The following TSEN54 variants were observed in gnomAD, a reference collection of about 807,000 sequenced individuals.
The protein encoded by TSEN54 is tRNA-splicing endonuclease subunit Sen54.
Under a neutral mutation model 61.9 loss-of-function variants are expected in TSEN54, and 55 were observed. That is an observed-to-expected ratio of 0.89 (90% confidence interval 0.72 to 1.11). The LOEUF is 1.11. Among genes scored for constraint, TSEN54 ranks in the 50% most tolerant of loss-of-function variants. The pLI is 0.00. For synonymous variants in TSEN54, 304 were observed against 288.7 expected, an observed-to-expected ratio of 1.05 and a Z score of -0.54; for missense variants, 760 against 687.7, an observed-to-expected ratio of 1.11 and a Z score of -1.18.
At chr17:75,523,421 A>C (rs2053452599) in intron 9 of TSEN54, 86 bp downstream of exon 9, 1 of 1,610,566 alleles carries the variant, frequency 6.2e-7, no homozygotes. Flanking sequence ...TAGGGTGTAA[A>C]CTAGAGGACT....
Position 75,522,285 on chromosome 17 carries a change from G to T in TSEN54, c.1204G>T (p.Gly402Cys). 6.5e-7 allele frequency: 1 copy of T among 1,546,478 alleles called. No individual in the cohort carries two copies. Among genetic ancestry groups the T allele is most frequent in the Non-Finnish European group, 8.7e-7 (1 of 1,146,734 alleles). The change falls in exon 8 of 11, where the codon GGC (glycine) becomes TGC (cysteine). Residue 402 changes from glycine (G) to cysteine (C), a missense_variant. By Grantham distance (159) the Gly-to-Cys change is radical. Around this residue, in one of 3 missense-constraint regions of TSEN54, gnomAD observed 667 missense variants for 577.8 expected, o/e 1.15. Coordinates refer to ENST00000333213, the MANE Select transcript of TSEN54 (RefSeq NM_207346.3). Reference sequence around the variant, plus strand: ...CCAGCGCCGGGCCCCTCACCTGTGGGGCCAGCCCGTCACCCCGCTGCTGAG... The same window carrying T: ...CCAGCGCCGGGCCCCTCACCTGTGGTGCCAGCCCGTCACCCCGCTGCTGAG... Reference protein sequence around the residue: ...RSQRRAPHLWGQPVTPLLSPG... With the variant: ...RSQRRAPHLWCQPVTPLLSPG...
intron 5 of TSEN54, among the ~76,000 whole-genome samples, chr17:75,518,238 G>A (rs1473563427): frequency 6.6e-6 from 1 of 152,200 alleles, no homozygotes; most frequent in Non-Finnish European, 1.5e-5. Flanking sequence ...TCTGGAGTGT[G>A]AGGAGAGGTC....
Position 75,517,689 on chromosome 17 carries a change from C to CATTG in TSEN54, c.468+36_468+37insTGAT, listed in dbSNP as rs751598295. Reference sequence around the variant, plus strand: ...CACCACCCCGCCTCCGGGAGCCACCCATCCACTGAATCAATGAGTATTGAC... The same window carrying CATTG: ...CACCACCCCGCCTCCGGGAGCCACCCATTGATCCACTGAATCAATGAGTATTGAC... On this transcript the variant is annotated intron_variant, in intron 5 of 10. Transcript: ENST00000333213. 100 of 1,553,730 alleles carry CATTG rather than the reference C, an allele frequency of 6.4e-5. No individual in the cohort carries two copies. The African/African-American group carries it at 1.1e-3, about 17-fold the overall frequency.
intron 3 of TSEN54, 29 bp downstream of exon 3, chr17:75,517,101 C>CGCCCTCCCTGCCCTCCCT (rs58038334): frequency 2.6e-6 from 4 of 1,548,714 alleles, no homozygotes; most frequent in Admixed American, 3.7e-5. Context: ...GACCGGGGAC[C>CGCCCTCCCTGCCCTCCCT]GCCCTCCCTG....
rs148146916 is a variant in TSEN54 at position 75,517,200 on chromosome 17, C to T, written c.325C>T (p.Arg109Trp). ...WQTMGFSEQG[R>W]QRLHPEEALY... Reference sequence around the variant, plus strand: ...GACCATGGGCTTCTCAGAGCAGGGCCGGCAGCGCCTTCACCCGGAAGAGGC... The same window carrying T: ...GACCATGGGCTTCTCAGAGCAGGGCTGGCAGCGCCTTCACCCGGAAGAGGC... Residue 109 changes from arginine (R) to tryptophan (W), a missense_variant, in exon 4 of 11, where the codon CGG becomes TGG. By Grantham distance (101) the Arg-to-Trp change is moderately radical. This residue lies in a region of TSEN54 where 667 missense variants were observed against 577.8 expected (regional missense o/e 1.15). Transcript: ENST00000333213. 6.2e-7 allele frequency: 1 copy of T among 1,607,742 alleles called. No homozygotes were observed. The highest frequency in any genetic ancestry group is 8.5e-7 in the Non-Finnish European group (1 of 1,177,316).
intron 1 of TSEN54, 60 bp downstream of exon 1, chr17:75,516,676 A>T: frequency 7.7e-7 from 1 of 1,292,598 alleles, no homozygotes; most frequent in African/African-American, 1.6e-5. Flanking sequence ...GGGTAGGGAA[A>T]CCGGCGCCCG....
chr17:75,523,178 A>T, intron 8 of TSEN54, 97 bp from the exon 9 acceptor site: 2 of 1,193,146 alleles, frequency 1.7e-6, no homozygotes, highest in Non-Finnish European at 1.2e-6. Context: ...GACTCCGTTT[A>T]AAAAAAAAAG....
intron 7 of TSEN54, 87 bp from the exon 8 acceptor site, chr17:75,521,618 A>C: frequency 6.4e-7 from 1 of 1,570,204 alleles, no homozygotes. Flanking sequence ...TCAGGGAGAC[A>C]CTAGGGGACC....
At position 75,519,086 on chromosome 17, in the gene TSEN54, C is replaced by T. The variant is rs57636645; in HGVS notation, c.521+39C>T. The T allele has an allele frequency of 0.012, 18,768 of 1,610,374 alleles. 1,734 individuals carry two copies. The African/African-American group carries it at 0.21, about 18-fold the overall frequency. ...CTGTTCCCCTTCCATATATTCTAGT[C>T]CTGGGACCTGGCTGACTAGTCTAAG... On this transcript the variant is annotated intron_variant, in intron 6 of 10. Coordinates refer to ENST00000333213, the MANE Select transcript of TSEN54 (RefSeq NM_207346.3).
At position 75,521,945 on chromosome 17, in the gene TSEN54, C is replaced by A. The variant is rs1210674501; in HGVS notation, c.864C>A (p.Val288=). 6.2e-7 allele frequency: 1 copy of A among 1,610,532 alleles called. No individual in the cohort carries two copies. The highest frequency in any genetic ancestry group is 1.1e-5 in the South Asian group (1 of 90,842). The part of the protein sequence containing the change: ...SWESGRAENG[V]TGAGKRRWNF... ...AGAGTGGCAGAGCCGAGAACGGAGT[C>A]ACGGGAGCCGGTAAGCGGCGCTGGA... The change falls in exon 8 of 11, where the codon GTC becomes GTA. Residue 288 remains valine, a synonymous_variant. Transcript: ENST00000333213.
intron 8 of TSEN54, 27 bp downstream of exon 8, chr17:75,522,360 G>T: frequency 6.5e-7 from 1 of 1,542,408 alleles, no homozygotes. Flanking sequence ...CCACATCTTC[G>T]AGGGCCACTG....
intron 8 of TSEN54, chr17:75,522,706 T>C (rs1738827445): frequency 4.9e-6 from 2 of 409,318 alleles, no homozygotes; most frequent in Non-Finnish European, 8.4e-6. Flanking sequence ...AGGGAACCAA[T>C]GGGGAAAGAA....
chr17:75,523,228 G>C (rs1178268900), intron 8 of TSEN54, 47 bp from the exon 9 acceptor site: 1 of 1,613,892 alleles, frequency 6.2e-7, no homozygotes, highest in East Asian at 2.2e-5. Context: ...GGCAGACTGA[G>C]AAATGTGACT....
rs894086307 is a variant in TSEN54, at chr17:75,522,475, G to T, written c.1252+142G>T. On this transcript the variant is annotated intron_variant, in intron 8 of 10. Transcript: ENST00000333213. ...GGGAGTGGACCCACAAGCACGGTCA[G>T]TTCTCCGGCGGCTGCAGCAGGGCCT... is the stretch of plus-strand genomic sequence containing the variant. 7.5e-5 allele frequency: 113 copies of T among 1,504,240 alleles called. 1 individual carries two copies. Among genetic ancestry groups the T allele is most frequent in the Non-Finnish European group, 9.4e-5 (106 of 1,127,592 alleles). 93.2% of individuals were successfully genotyped at this position (1,504,240 alleles called of 1,614,324 possible). A position where few individuals can be genotyped will look rare whatever the true frequency, so the allele number is the denominator to read the frequency against.
intron 4 of TSEN54, 92 bp from the exon 5 acceptor site, chr17:75,517,465 G>A (rs2053385101): frequency 8.0e-7 from 1 of 1,245,044 alleles, no homozygotes; most frequent in African/African-American, 1.5e-5. Context: ...GCTGAGAGGG[G>A]GAGGGGGAGG....
At chr17:75,518,390 A>C (rs2053395439) in intron 5 of TSEN54, 1 of 344,266 alleles carries the variant, frequency 2.9e-6, no homozygotes. Context: ...AAGAAGCAGA[A>C]ACAGACCGAG....
chr17:75,517,281 C>T (rs367834977), intron 4 of TSEN54, 37 bp downstream of exon 4: 8 of 1,563,018 alleles, frequency 5.1e-6, no homozygotes, highest in African/African-American at 1.4e-5. Context: ...GGAGTTGGGA[C>T]CAAAGAACGG....
At chr17:75,517,398 C>T (rs2053383934) in intron 4 of TSEN54, 154 bp downstream of exon 4, 1 of 1,155,798 alleles carries the variant, frequency 8.7e-7, no homozygotes, top group South Asian at 1.2e-5. Context: ...GCAGGGATTC[C>T]AGTCCACATT....
rs1226320805 is a variant in TSEN54 at position 75,516,578 on chromosome 17, G to A, written c.18G>A (p.Glu6=). The part of the protein sequence containing the change: MEPEP[E]PAAVEVPAGR... ...GCGGCGGGATGGAGCCCGAGCCCGA[G>A]CCCGCGGCCGTGGAGGTTCCCGCGG... Residue 6 remains glutamate (E), a synonymous_variant, in exon 1 of 11, where the codon GAG becomes GAA. Coordinates refer to ENST00000333213, the MANE Select transcript of TSEN54 (RefSeq NM_207346.3). 2.6e-6 allele frequency: 3 copies of A among 1,154,848 alleles called. No homozygotes were observed. The highest frequency in any genetic ancestry group is 1.6e-5 in the African/African-American group (1 of 61,206). 71.5% of individuals were successfully genotyped at this position (1,154,848 alleles called of 1,614,324 possible).
Sources: allele counts gnomAD v4.1 joint callset (sites outside exome capture counted in the v4.1 genomes callset), GRCh38; gene constraint gnomAD v4.1.1; regional missense constraint gnomAD v4.1.1; transcripts MANE v1.5; gene names NCBI Gene and HGNC (gene_info 2026-07-23, HGNC 2026-07-21).